The following TRPV2 variants were observed in gnomAD, a reference collection of about 807,000 sequenced individuals.
TRPV2 encodes transient receptor potential cation channel subfamily V member 2.
A neutral mutation model predicts 91.0 loss-of-function variants in TRPV2; 58 were observed. That is an observed-to-expected ratio of 0.64 (90% CI 0.52 to 0.79). The LOEUF is 0.79. Ranked by LOEUF, TRPV2 falls within the 30% of genes least tolerant of loss-of-function variation. The pLI is 0.00. For synonymous variants in TRPV2, 417 were observed against 414.8 expected (o/e 1.01, Z -0.06); for missense variants, 807 against 969.6 (o/e 0.83, Z 2.23).
chr17:16,429,048 C>G lies in TRPV2; in HGVS notation c.1587+66C>G, dbSNP rs993576588. The G allele has an allele frequency of 1.4e-5, 22 of 1,559,538 alleles. No homozygotes were observed. In the African/African-American group the frequency reaches 2.8e-4, roughly 20 times the overall value. ...ATCAGGCAAGAAGAGCCTTCCTCCA[C>G]AGCTATCCTAGGCAGAGGAGGGCAT... is the stretch of plus-strand genomic sequence containing the variant. On this transcript the variant is annotated intron_variant, in intron 10 of 14. Coordinates refer to ENST00000338560, the MANE Select transcript of TRPV2 (RefSeq NM_016113.5).
chr17:16,433,840 C>T, intron 13 of TRPV2, 142 bp downstream of exon 13: 1 of 1,208,798 alleles, frequency 8.3e-7, no homozygotes, highest in Non-Finnish European at 1.1e-6. Context: ...TGAGCCTGAG[C>T]AGGTGAGGTC....
chr17:16,419,226 G>A (rs1397778460), intron 2 of TRPV2: 3 of 426,934 alleles, frequency 7.0e-6, no homozygotes, highest in African/African-American at 4.2e-5. Context: ...CCTGTGATTA[G>A]TAACACAGCC....
intron 10 of TRPV2, among the ~76,000 whole-genome samples, chr17:16,431,274 TATATATATATATACATA>T (rs2093409093): frequency 2.6e-5 from 2 of 75,572 alleles, no homozygotes; most frequent in East Asian, 2.9e-4. Context: ...TATATATATA[TATATATATATATACATA>T]TTTTTTTTTT....
chr17:16,423,978 A>G (rs918627693), intron 5 of TRPV2, among the ~76,000 whole-genome samples: 1 of 152,152 alleles, frequency 6.6e-6, no homozygotes, highest in African/African-American at 2.4e-5. Flanking sequence ...AATATATTAC[A>G]TTATAAAACA....
At chr17:16,418,685 G>A (rs1019895883) in intron 2 of TRPV2, among the ~76,000 whole-genome samples, 1 of 152,112 alleles carries the variant, frequency 6.6e-6, no homozygotes, top group East Asian at 1.9e-4. Flanking sequence ...CCCGACACAG[G>A]CAGGACGGGC....
In TRPV2 at chr17:16,436,956, T is replaced by G. The variant is rs1037978797; in HGVS notation, c.*67T>G. On this transcript the variant is annotated 3_prime_UTR_variant, in exon 15 of 15. Transcript: ENST00000338560. ...TCTTTCCAACCACATCTGCTGGCTC[T>G]GGGGTCCCAGTGAATTCTGGTGGCA... 1.6e-6 allele frequency: 2 copies of G among 1,284,074 alleles called. No homozygotes were observed. The highest frequency in any genetic ancestry group is 2.3e-6 in the Non-Finnish European group (2 of 887,156). 79.5% of individuals were successfully genotyped at this position (1,284,074 alleles called of 1,614,324 possible).
intron 3 of TRPV2, among the ~76,000 whole-genome samples, chr17:16,422,179 C>T (rs921157204): frequency 2.6e-5 from 4 of 151,580 alleles, no homozygotes; most frequent in Admixed American, 6.6e-5. Flanking sequence ...AAAAATTAGC[C>T]GGGTGTGGCG....
At chr17:16,431,242 A>G (rs2093408323) in intron 10 of TRPV2, among the ~76,000 whole-genome samples, 4 of 131,018 alleles carry the variant, frequency 3.1e-5, no homozygotes. Context: ...GCAGGAAAAC[A>G]ATGTGATCTG....
At chr17:16,431,595 A>C (rs2093412887) in intron 10 of TRPV2, among the ~76,000 whole-genome samples, 189 bp from the exon 11 acceptor site, 2 of 151,958 alleles carry the variant, frequency 1.3e-5, no homozygotes, top group South Asian at 4.1e-4. Flanking sequence ...CACCGCACCC[A>C]GCCAGATCTG....
intron 10 of TRPV2, among the ~76,000 whole-genome samples, chr17:16,429,194 T>C (rs1384254652): frequency 6.6e-6 from 1 of 152,228 alleles, no homozygotes; most frequent in Admixed American, 6.5e-5. Context: ...ATATGTGTGT[T>C]TGCAGGTGTC....
At chr17:16,428,465 T>C in intron 9 of TRPV2, 78 bp downstream of exon 9, 4 of 1,516,666 alleles carry the variant, frequency 2.6e-6, no homozygotes, top group South Asian at 1.1e-5. Flanking sequence ...AGGCACCAGG[T>C]TGGCTTTAGA....
intron 9 of TRPV2, 49 bp from the exon 10 acceptor site, chr17:16,428,768 C>T (rs375086773): frequency 7.1e-5 from 115 of 1,609,540 alleles, no homozygotes; most frequent in Non-Finnish European, 9.5e-5. Flanking sequence ...AGTGGGGGCT[C>T]AGGGAGCCAA....
In TRPV2 at chr17:16,427,653, C is replaced by T. The variant is rs144467515; in HGVS notation, c.1350+106C>T. ...CCCTCACTGACAATACCCAGTCCCACCCAGAGCAACCAGCCTCACTGAAGC... is the reference window on the plus strand; with the variant it reads ...CCCTCACTGACAATACCCAGTCCCATCCAGAGCAACCAGCCTCACTGAAGC... On this transcript the variant is annotated intron_variant, in intron 8 of 14. Coordinates refer to ENST00000338560, the MANE Select transcript of TRPV2 (RefSeq NM_016113.5). The T allele has an allele frequency of 1.0e-3, 1,045 of 1,042,138 alleles. 6 individuals are homozygous for T. In the South Asian group the frequency reaches 0.01, roughly 10 times the overall value. 64.6% of individuals were successfully genotyped at this position (1,042,138 alleles called of 1,614,324 possible). A position where few individuals can be genotyped will look rare whatever the true frequency, so the allele number is the denominator to read the frequency against.
At position 16,432,069 on chromosome 17, in the gene TRPV2, C is replaced by CG. The variant is rs2093415705; in HGVS notation, c.1762dup (p.Ala588GlyfsTer68). ...TGGAGGGACAGGAGGACGAGGGCAACGGGGCCCAGTACAGGGGTATCCTGG... is the reference window on the plus strand; with the variant it reads ...TGGAGGGACAGGAGGACGAGGGCAACGGGGGCCCAGTACAGGGGTATCCTGG... On this transcript the variant is annotated frameshift_variant, in exon 12 of 15. Transcript: ENST00000338560. LOFTEE classifies it high-confidence loss of function. 1 of 1,613,830 alleles carries CG rather than the reference C, an allele frequency of 6.2e-7. No individual in the cohort carries two copies. The highest frequency in any genetic ancestry group is 1.3e-5 in the African/African-American group (1 of 74,928).
Position 16,426,758 on chromosome 17 carries a change from A to G in TRPV2, c.1132A>G (p.Lys378Glu). ...HRMVVLEPLN[K>E]LLQAKWDLLI... ...AATGGTCGTTTTGGAGCCCCTGAAC[A>G]AACTGCTGCAGGCGAAATGGGATCT... Residue 378 changes from lysine to glutamate, a missense_variant, in exon 7 of 15, where the codon AAA (lysine) becomes GAA (glutamate). Transcript: ENST00000338560. The surrounding 1 kb of genome is among the most constrained non-coding windows in gnomAD (Gnocchi z 6.0). 1 of 1,614,040 alleles carries G rather than the reference A, an allele frequency of 6.2e-7. No homozygotes were observed.
At chr17:16,434,480 A>AG (rs1555883622) in intron 13 of TRPV2, among the ~76,000 whole-genome samples, 3 of 151,724 alleles carry the variant, frequency 2.0e-5, no homozygotes, top group African/African-American at 4.8e-5. Flanking sequence ...AAAAAAAAAA[A>AG]AAAAGAAAAC....
chr17:16,417,902 C>T, intron 2 of TRPV2, 34 bp downstream of exon 2: 3 of 1,593,872 alleles, frequency 1.9e-6, no homozygotes, highest in Non-Finnish European at 1.7e-6. Flanking sequence ...GCAAAGGGGG[C>T]CCCCTGCCCA....
Position 16,417,839 on chromosome 17 carries a change from C to A in TRPV2, c.171C>A (p.Asn57Lys). 1 of 1,614,136 alleles carries A rather than the reference C, an allele frequency of 6.2e-7. No homozygotes were observed. The highest frequency in any genetic ancestry group is 8.5e-7 in the Non-Finnish European group (1 of 1,179,988). ...AATTCGCCCCTCAGATAAGAGTCAA[C>A]CTCAACTACCGAAAGGGAACAGGTG... ...DRKFAPQIRV[N>K]LNYRKGTGAS... Residue 57 changes from asparagine (N) to lysine (K), a missense_variant, in exon 2 of 15, where the codon AAC becomes AAA. Physicochemically the swap from Asn to Lys is moderately conservative, Grantham distance 94 (BLOSUM62 0). Coordinates refer to ENST00000338560, the MANE Select transcript of TRPV2 (RefSeq NM_016113.5).
intron 12 of TRPV2, 127 bp downstream of exon 12, chr17:16,432,427 G>C: frequency 1.5e-6 from 1 of 677,114 alleles, no homozygotes; most frequent in Non-Finnish European, 2.4e-6. Context: ...TACCTTGTCA[G>C]TCTTCCTCTT....
Sources: allele counts gnomAD v4.1 joint callset (sites outside exome capture counted in the v4.1 genomes callset), GRCh38; gene constraint gnomAD v4.1.1; non-coding constraint Gnocchi (gnomAD v3.1); transcripts MANE v1.5; gene names NCBI Gene and HGNC (gene_info 2026-07-23, HGNC 2026-07-21).